Variants in PDE8B observed in about 807,000 individuals in gnomAD.
PDE8B encodes the protein high affinity cAMP-specific and IBMX-insensitive 3',5'-cyclic phosphodiesterase 8B.
A neutral mutation model predicts 101.3 loss-of-function variants in PDE8B; 26 were observed. The ratio of observed to expected loss-of-function variants is 0.26; its 90% CI spans 0.19 to 0.36. The LOEUF (loss-of-function observed/expected upper bound fraction) is 0.36, where lower values mean the gene tolerates loss of function less well. Ranked by LOEUF, PDE8B falls within the 10% of genes least tolerant of loss-of-function variation. The probability of loss-of-function intolerance (pLI) is 1.00; values close to 1 mark genes in which losing one functional copy is unlikely to be tolerated. For synonymous variants in PDE8B, 424 were observed against 429.3 expected (o/e 0.99, Z 0.15); for missense variants, 810 against 1,163.1 (o/e 0.70, Z 4.42).
intron 1 of PDE8B, among the ~76,000 whole-genome samples, chr5:77,310,438 G>T (rs1772344466): frequency 1.3e-5 from 2 of 152,218 alleles, no homozygotes; most frequent in South Asian, 2.1e-4. Context: ...CTAGGCTACT[G>T]GTGTCAGCAC....
In PDE8B at chr5:77,392,981, C is replaced by A. The variant is rs191520336; in HGVS notation, c.1168-7267C>A. 5.9e-5 allele frequency among the ~76,000 whole-genome samples: 9 copies of A among 152,074 alleles called. No individual in the cohort carries two copies. The South Asian group carries it at 8.3e-4, about 14-fold the overall frequency. On this transcript the variant is annotated intron_variant, in intron 10 of 21. Coordinates refer to ENST00000264917, the MANE Select transcript of PDE8B (RefSeq NM_003719.5). The stretch of plus-strand genomic sequence containing the variant: ...AATTCGTATGCCAGAACAACAACAA[C>A]AAAAAAAGCCTATTAGCCAACTAGA...
Position 77,423,921 on chromosome 5 carries a change from G to A in PDE8B, c.2419-1846G>A, listed in dbSNP as rs535437702. ...CAAAGTGCTAGGATTACAGGCGTGA[G>A]CCACCGCACCCAGCCTGGACATTTT... On this transcript the variant is annotated intron_variant, in intron 20 of 21. Coordinates refer to ENST00000264917, the MANE Select transcript of PDE8B (RefSeq NM_003719.5). 4.6e-5 allele frequency among the ~76,000 whole-genome samples: 7 copies of A among 152,018 alleles called. No homozygotes were observed. In the South Asian group the frequency reaches 1.2e-3, roughly 27 times the overall value.
intron 10 of PDE8B, among the ~76,000 whole-genome samples, chr5:77,380,037 A>G (rs941911659): frequency 3.3e-5 from 5 of 152,218 alleles, no homozygotes; most frequent in African/African-American, 1.2e-4. Context: ...TAATAAGTCA[A>G]CGTTTAAAGC....
At chr5:77,308,965 G>A (rs1189447427) in intron 1 of PDE8B, among the ~76,000 whole-genome samples, 1 of 151,950 alleles carries the variant, frequency 6.6e-6, no homozygotes, top group Non-Finnish European at 1.5e-5. Context: ...GATCACCCGA[G>A]GTCAGGAGTT....
At chr5:77,214,781 A>T (rs757266865) in intron 1 of PDE8B, among the ~76,000 whole-genome samples, 22 of 152,182 alleles carry the variant, frequency 1.4e-4, no homozygotes, top group Non-Finnish European at 3.2e-4. Context: ...GTTAAAATAT[A>T]GATTGCTGGA....
chr5:77,136,193 C>T, the PDE8B span, among the ~76,000 whole-genome samples: 1 of 152,150 alleles, frequency 6.6e-6, no homozygotes, highest in Non-Finnish European at 1.5e-5. Context: ...TGCACTTTCT[C>T]TTCTTATCTA....
intron 2 of PDE8B, among the ~76,000 whole-genome samples, chr5:77,320,335 G>A (rs963975997): frequency 2.6e-5 from 4 of 152,114 alleles, no homozygotes; most frequent in African/African-American, 9.7e-5. Context: ...TTCTGACTAC[G>A]GACAGAACAC....
At chr5:77,362,468 C>T (rs1371519476) in intron 10 of PDE8B, among the ~76,000 whole-genome samples, 1 of 152,120 alleles carries the variant, frequency 6.6e-6, no homozygotes, top group African/African-American at 2.4e-5. Flanking sequence ...TGGCCTGGAC[C>T]GTAATTTCCT....
intron 10 of PDE8B, among the ~76,000 whole-genome samples, chr5:77,356,597 T>G (rs1375246408): frequency 6.6e-6 from 1 of 152,042 alleles, no homozygotes; most frequent in Non-Finnish European, 1.5e-5. Context: ...GCCTGGCTAA[T>G]TTTTGTATTT....
the PDE8B span, among the ~76,000 whole-genome samples, chr5:77,107,654 G>T: frequency 6.6e-6 from 1 of 152,072 alleles, no homozygotes. Context: ...GTTAGCTATA[G>T]GCTCTTTGTA....
the PDE8B span, among the ~76,000 whole-genome samples, chr5:77,152,446 A>G: frequency 1.3e-5 from 2 of 152,322 alleles, no homozygotes; most frequent in East Asian, 3.9e-4. Flanking sequence ...GACTCTTTGT[A>G]AAGTCCTTAT....
the PDE8B span, among the ~76,000 whole-genome samples, chr5:77,195,708 ATAT>A: frequency 3.3e-5 from 5 of 152,182 alleles, no homozygotes; most frequent in Non-Finnish European, 7.3e-5. Flanking sequence ...CATGTTATAT[ATAT>A]TATATACTAT....
chr5:77,104,585 C>G, the PDE8B span: 16 of 152,116 alleles, frequency 1.1e-4, no homozygotes, highest in African/African-American at 3.9e-4. Flanking sequence ...GAAGCAGAGA[C>G]CAGCTCTCAC....
chr5:77,226,935 G>A (rs1025591813), intron 1 of PDE8B, among the ~76,000 whole-genome samples: 2 of 152,170 alleles, frequency 1.3e-5, no homozygotes, highest in Admixed American at 6.5e-5. Context: ...GATTTGAGAA[G>A]AATAGTGGCT....
intron 1 of PDE8B, among the ~76,000 whole-genome samples, chr5:77,219,951 T>C (rs2149424007): frequency 6.6e-6 from 1 of 152,332 alleles, no homozygotes; most frequent in East Asian, 1.9e-4. Flanking sequence ...CCATCTGTCA[T>C]GTGCAGCCTC....
At chr5:77,398,616 C>T (rs535379033) in intron 10 of PDE8B, among the ~76,000 whole-genome samples, 7 of 152,280 alleles carry the variant, frequency 4.6e-5, no homozygotes, top group Admixed American at 2.0e-4. Context: ...CCACGGCGCC[C>T]GACCGGCTGT....
chr5:77,202,378 A>G, the PDE8B span, among the ~76,000 whole-genome samples: 1 of 152,350 alleles, frequency 6.6e-6, no homozygotes, highest in Non-Finnish European at 1.5e-5. Context: ...AAACAGCAAG[A>G]TCAACCCCTC....
chr5:77,353,038 C>A (rs538442162), intron 9 of PDE8B, among the ~76,000 whole-genome samples: 58 of 152,332 alleles, frequency 3.8e-4, no homozygotes, highest in African/African-American at 1.4e-3. Context: ...TTATTTGTAG[C>A]AGCATTTTAT....
At chr5:77,102,368 C>T in the PDE8B span, among the ~76,000 whole-genome samples, 1 of 152,206 alleles carries the variant, frequency 6.6e-6, no homozygotes, top group Admixed American at 6.5e-5. Flanking sequence ...TGGAGAAAAG[C>T]TTAGTGATGG....
Sources: gnomAD v4.1 joint callset for allele counts (sites outside exome capture counted in the v4.1 genomes callset) on GRCh38, gnomAD v4.1.1 for gene constraint, MANE v1.5 for transcripts, NCBI Gene and HGNC (gene_info 2026-07-23, HGNC 2026-07-21) for gene names.